Variants in TTC29 observed in about 807,000 individuals in gnomAD.
TTC29 encodes tetratricopeptide repeat domain 29.
TTC29 carries 49 observed loss-of-function variants against 58.1 expected under a neutral mutation model. That is an observed-to-expected ratio of 0.84 (90% CI 0.67 to 1.07). The LOEUF is 1.07. Ranked by LOEUF, TTC29 falls within the 50% of genes least tolerant of loss-of-function variation. TTC29 has a pLI of 0.00. For synonymous variants in TTC29, 209 were observed against 196.8 expected (o/e 1.06, Z -0.52); for missense variants, 582 against 555.6 (o/e 1.05, Z -0.48).
chr4:146,942,229 GT>G (rs1400668164), intron 2 of TTC29, among the ~76,000 whole-genome samples: 1 of 152,150 alleles, frequency 6.6e-6, no homozygotes, highest in Non-Finnish European at 1.5e-5. Flanking sequence ...ATTTTATGCA[GT>G]TAAGGCATTA....
At chr4:146,932,238 C>A (rs1339303375) in intron 4 of TTC29, among the ~76,000 whole-genome samples, 1 of 152,166 alleles carries the variant, frequency 6.6e-6, no homozygotes, top group Non-Finnish European at 1.5e-5. Flanking sequence ...CCAAAATCTT[C>A]TTTTCCTAGC....
At chr4:146,945,302 T>C (rs1005059415) in intron 1 of TTC29, 9 of 152,230 alleles carry the variant, frequency 5.9e-5, no homozygotes, top group Non-Finnish European at 1.2e-4. Flanking sequence ...CTGAAATATG[T>C]ATATGTATTG....
chr4:146,747,530 A>G (rs922548518), intron 11 of TTC29, among the ~76,000 whole-genome samples: 2 of 152,120 alleles, frequency 1.3e-5, no homozygotes, highest in Non-Finnish European at 2.9e-5. Flanking sequence ...GAACATGGAG[A>G]CTTTCACTAC....
chr4:146,821,154 A>G (rs1751789295), intron 9 of TTC29, among the ~76,000 whole-genome samples: 1 of 152,190 alleles, frequency 6.6e-6, no homozygotes, highest in Non-Finnish European at 1.5e-5. Flanking sequence ...ACATGTCCAG[A>G]ATGGCAAATC....
Position 146,803,530 on chromosome 4 carries a change from T to G in TTC29, c.1257A>C (p.Ala419=). The part of the protein sequence containing the change: ...MLTVNNYIES[A]DLTSLNYLLS... ...GCAGGTAGTTGAGGCTGGTGAGATC[T>G]GCAGACTCTATATAGTTGTTCACTG... The change falls in exon 11 of 13, where the codon GCA becomes GCC. Residue 419 remains alanine (A), a synonymous_variant. Coordinates refer to ENST00000325106, the MANE Select transcript of TTC29 (RefSeq NM_031956.4). 1 of 1,602,298 alleles carries G rather than the reference T, an allele frequency of 6.2e-7. No individual in the cohort carries two copies. The highest frequency in any genetic ancestry group is 1.3e-5 in the African/African-American group (1 of 74,988).
intron 4 of TTC29, among the ~76,000 whole-genome samples, chr4:146,910,136 G>C (rs913440165): frequency 6.6e-6 from 1 of 151,768 alleles, no homozygotes; most frequent in Non-Finnish European, 1.5e-5. Flanking sequence ...CAAACGACAT[G>C]ATGTGATACT....
chr4:146,789,507 G>A (rs1330795485), intron 11 of TTC29, among the ~76,000 whole-genome samples: 4 of 152,134 alleles, frequency 2.6e-5, no homozygotes, highest in Admixed American at 1.3e-4. Flanking sequence ...TTATTGTGAA[G>A]TTTAATTTTC....
intron 11 of TTC29, among the ~76,000 whole-genome samples, chr4:146,715,061 C>T (rs1298102294): frequency 1.3e-5 from 2 of 151,994 alleles, no homozygotes; most frequent in Non-Finnish European, 2.9e-5. Flanking sequence ...TGCTCTTGAA[C>T]TCCTGGCCTC....
chr4:146,862,133 AAG>A (rs1268038911), intron 8 of TTC29, among the ~76,000 whole-genome samples: 1 of 152,128 alleles, frequency 6.6e-6, no homozygotes, highest in Admixed American at 6.5e-5. Flanking sequence ...AGTAGAATAA[AAG>A]AGGATCTCGA....
chr4:146,762,332 G>A (rs1746971092), intron 11 of TTC29, among the ~76,000 whole-genome samples: 1 of 149,452 alleles, frequency 6.7e-6, no homozygotes, highest in Non-Finnish European at 1.5e-5. Flanking sequence ...ATATCTATTG[G>A]ATCAGTGTAA....
At chr4:146,920,087 T>C (rs1422643736) in intron 4 of TTC29, among the ~76,000 whole-genome samples, 2 of 151,170 alleles carry the variant, frequency 1.3e-5, no homozygotes, top group African/African-American at 4.8e-5. Flanking sequence ...ATCCAGATCA[T>C]GTCTTTGAAA....
At chr4:146,867,609 C>A (rs750778680) in intron 7 of TTC29, 26 bp from the exon 8 acceptor site, 2 of 1,114,410 alleles carry the variant, frequency 1.8e-6, no homozygotes, top group South Asian at 1.6e-5. Context: ...AAAAAAATTA[C>A]CAAGTATTCA....
chr4:146,833,086 T>C (rs1158907386), intron 9 of TTC29, among the ~76,000 whole-genome samples: 2 of 152,222 alleles, frequency 1.3e-5, no homozygotes, highest in Non-Finnish European at 2.9e-5. Flanking sequence ...CTACAGTTAC[T>C]GCAACCAACA....
intron 11 of TTC29, among the ~76,000 whole-genome samples, chr4:146,735,241 A>C (rs1744628771): frequency 6.6e-6 from 1 of 152,102 alleles, no homozygotes; most frequent in Non-Finnish European, 1.5e-5. Flanking sequence ...GTTGGTTACC[A>C]AGAATGTAGT....
At chr4:146,775,199 C>G (rs1341311661) in intron 11 of TTC29, among the ~76,000 whole-genome samples, 1 of 152,096 alleles carries the variant, frequency 6.6e-6, no homozygotes, top group Non-Finnish European at 1.5e-5. Flanking sequence ...CTTCTTTATC[C>G]AACTTGCCAC....
chr4:146,818,469 C>A (rs1462022410), intron 10 of TTC29, among the ~76,000 whole-genome samples: 1 of 152,166 alleles, frequency 6.6e-6, no homozygotes, highest in Non-Finnish European at 1.5e-5. Context: ...AATAGGAACA[C>A]TTTTACACTG....
intron 11 of TTC29, among the ~76,000 whole-genome samples, chr4:146,720,598 A>C (rs111249423): frequency 6.6e-6 from 1 of 152,118 alleles, no homozygotes; most frequent in African/African-American, 2.4e-5. Context: ...CTTTTCAGAG[A>C]AAGTGAGGAC....
intron 11 of TTC29, among the ~76,000 whole-genome samples, chr4:146,765,992 T>C (rs901610033): frequency 1.3e-5 from 2 of 151,932 alleles, no homozygotes; most frequent in Non-Finnish European, 2.9e-5. Flanking sequence ...AGCAAAACAC[T>C]AAAGGTAAGT....
At chr4:146,813,462 T>A (rs1423497907) in intron 10 of TTC29, among the ~76,000 whole-genome samples, 1 of 152,214 alleles carries the variant, frequency 6.6e-6, no homozygotes, top group Non-Finnish European at 1.5e-5. Context: ...ATACAGGATA[T>A]TTTTAAGATG....
Sources: gnomAD v4.1 joint callset for allele counts (sites outside exome capture counted in the v4.1 genomes callset) on GRCh38, gnomAD v4.1.1 for gene constraint, MANE v1.5 for transcripts, NCBI Gene and HGNC (gene_info 2026-07-23, HGNC 2026-07-21) for gene names.